RAB3C: variants seen among roughly 807,000 people sequenced by gnomAD.
RAB3C encodes the protein ras-related protein Rab-3C.
RAB3C carries 17 observed loss-of-function variants against 26.4 expected under a neutral mutation model. The ratio of observed to expected loss-of-function variants is 0.64; its 90% CI spans 0.44 to 0.97. The LOEUF (loss-of-function observed/expected upper bound fraction) is 0.97, where lower values mean the gene tolerates loss of function less well. Ranked by LOEUF, RAB3C falls within the 50% of genes least tolerant of loss-of-function variation. The pLI is 0.00. For synonymous variants in RAB3C, 91 were observed against 95.9 expected, an observed-to-expected ratio of 0.95 and a Z score of 0.30; for missense variants, 242 against 281.9, an observed-to-expected ratio of 0.86 and a Z score of 1.01.
intron 3 of RAB3C, among the ~76,000 whole-genome samples, chr5:58,739,844 C>A (rs139205669): frequency 2.6e-5 from 4 of 152,272 alleles, no homozygotes; most frequent in African/African-American, 4.8e-5. Context: ...TATCCTACAA[C>A]CTAATTTTTA....
chr5:58,590,962 T>C lies in RAB3C; in HGVS notation c.24+7730T>C, dbSNP rs767193156. 2.0e-5 allele frequency among the ~76,000 whole-genome samples: 3 copies of C among 152,336 alleles called. No individual in the cohort carries two copies. In the South Asian group the frequency reaches 6.2e-4, roughly 32 times the overall value. ...CAAATTTCTGAATGTAGTATTTACA[T>C]TACATTTTATTTCAAACTATTTGGC... On this transcript the variant is annotated intron_variant, in intron 1 of 4. Coordinates refer to ENST00000282878, the MANE Select transcript of RAB3C (RefSeq NM_138453.4).
chr5:58,739,777 T>C (rs980006640), intron 3 of RAB3C, among the ~76,000 whole-genome samples: 1 of 152,240 alleles, frequency 6.6e-6, no homozygotes, highest in Admixed American at 6.5e-5. Flanking sequence ...TTCTGTGGCC[T>C]CAATCTTATG....
chr5:58,657,668 G>C (rs1247274231), intron 2 of RAB3C, among the ~76,000 whole-genome samples: 1 of 152,132 alleles, frequency 6.6e-6, no homozygotes, highest in African/African-American at 2.4e-5. Context: ...CTTATATATA[G>C]GCTGTGCTGA....
intron 2 of RAB3C, among the ~76,000 whole-genome samples, chr5:58,632,913 A>G (rs978931562): frequency 3.3e-5 from 5 of 152,150 alleles, no homozygotes; most frequent in Admixed American, 2.0e-4. Context: ...TGAAGTTTAG[A>G]AGCATTTTCT....
At chr5:58,657,460 C>G (rs117401790) in intron 2 of RAB3C, among the ~76,000 whole-genome samples, 1 of 151,636 alleles carries the variant, frequency 6.6e-6, no homozygotes, top group Non-Finnish European at 1.5e-5. Flanking sequence ...ATCTGAATGA[C>G]GATGTGTGCA....
chr5:58,694,217 G>T (rs1748642323), intron 2 of RAB3C, among the ~76,000 whole-genome samples: 1 of 152,122 alleles, frequency 6.6e-6, no homozygotes, highest in South Asian at 2.1e-4. Context: ...AGTTTGCTGA[G>T]AATGATGGTT....
chr5:58,841,640 A>G (rs1034362182), intron 4 of RAB3C, among the ~76,000 whole-genome samples: 2 of 152,166 alleles, frequency 1.3e-5, no homozygotes, highest in African/African-American at 4.8e-5. Flanking sequence ...TAGGGTTTGC[A>G]AGAGCTTTGG....
intron 2 of RAB3C, among the ~76,000 whole-genome samples, chr5:58,700,563 A>C (rs1748820794): frequency 6.6e-6 from 1 of 152,218 alleles, no homozygotes; most frequent in African/African-American, 2.4e-5. Context: ...TAAGGTGTTT[A>C]TCTGCAAAGC....
chr5:58,727,874 G>T (rs1740924495), intron 3 of RAB3C, among the ~76,000 whole-genome samples: 1 of 151,970 alleles, frequency 6.6e-6, no homozygotes, highest in African/African-American at 2.4e-5. Context: ...AACTTCCTCA[G>T]CCTGACTTTC....
intron 3 of RAB3C, among the ~76,000 whole-genome samples, chr5:58,755,074 A>C (rs1741625945): frequency 6.6e-6 from 1 of 152,210 alleles, no homozygotes. Flanking sequence ...TCATTCTCTG[A>C]TCACTTATTC....
intron 1 of RAB3C, among the ~76,000 whole-genome samples, chr5:58,599,820 G>A (rs1305478928): frequency 3.3e-5 from 5 of 151,878 alleles, no homozygotes; most frequent in Admixed American, 2.0e-4. Flanking sequence ...TCTGCTGACT[G>A]TTCCTTTTGA....
At chr5:58,618,051 G>A (rs567584557) in intron 2 of RAB3C, among the ~76,000 whole-genome samples, 181 bp downstream of exon 2, 1 of 130,834 alleles carries the variant, frequency 7.6e-6, no homozygotes, top group Non-Finnish European at 1.7e-5. Flanking sequence ...TAAGACATGA[G>A]GGGTGAATTA....
intron 3 of RAB3C, among the ~76,000 whole-genome samples, chr5:58,732,099 GT>G (rs5868127): frequency 0.38 from 55,705 of 145,042 alleles, 10,893 homozygotes; most frequent in East Asian, 0.46. Flanking sequence ...TTTCTGTTTT[GT>G]TTTTTTTTTT....
chr5:58,710,615 T>TAAAC, intron 2 of RAB3C, among the ~76,000 whole-genome samples: 1 of 149,242 alleles, frequency 6.7e-6, no homozygotes, highest in African/African-American at 2.5e-5. Context: ...AATAAATAAA[T>TAAAC]AAATAAATAA....
At chr5:58,793,989 T>C (rs917704370) in intron 3 of RAB3C, among the ~76,000 whole-genome samples, 10 of 152,204 alleles carry the variant, frequency 6.6e-5, no homozygotes, top group Non-Finnish European at 1.3e-4. Flanking sequence ...CTCTTTCTCC[T>C]TTCCTGAAAC....
chr5:58,713,176 CATCTCTAAACTTCAATA>C, intron 2 of RAB3C, among the ~76,000 whole-genome samples: 2 of 151,952 alleles, frequency 1.3e-5, no homozygotes, highest in Non-Finnish European at 2.9e-5. Context: ...GTAGTGGGGT[CATCTCTAAACTTCAATA>C]CCTCAGGGGC....
At chr5:58,798,146 C>T (rs1455164939) in intron 3 of RAB3C, among the ~76,000 whole-genome samples, 1 of 151,954 alleles carries the variant, frequency 6.6e-6, no homozygotes, top group East Asian at 1.9e-4. Flanking sequence ...GAAAATGACA[C>T]ATAGAAAATC....
intron 1 of RAB3C, among the ~76,000 whole-genome samples, chr5:58,585,940 A>T (rs1447541225): frequency 2.6e-5 from 4 of 152,080 alleles, no homozygotes; most frequent in Non-Finnish European, 5.9e-5. Context: ...GTATCTTCTC[A>T]TTCAGTGTAT....
intron 2 of RAB3C, among the ~76,000 whole-genome samples, chr5:58,720,258 A>C (rs1298156070): frequency 1.3e-5 from 2 of 151,908 alleles, no homozygotes; most frequent in East Asian, 1.9e-4. Flanking sequence ...TGGTATTCCT[A>C]ATTAAGTGCT....
Sources: gnomAD v4.1 joint callset for allele counts (sites outside exome capture counted in the v4.1 genomes callset) on GRCh38, gnomAD v4.1.1 for gene constraint, MANE v1.5 for transcripts, NCBI Gene and HGNC (gene_info 2026-07-23, HGNC 2026-07-21) for gene names.